Variants in FOXN3 observed in about 807,000 individuals in gnomAD.
FOXN3 encodes forkhead box protein N3.
A neutral mutation model predicts 38.4 loss-of-function variants in FOXN3; 7 were observed. That is an observed-to-expected ratio of 0.18 (90% CI 0.10 to 0.34). The LOEUF (loss-of-function observed/expected upper bound fraction) is 0.34, where lower values mean the gene tolerates loss of function less well. Ranked by LOEUF, FOXN3 falls within the 10% of genes least tolerant of loss-of-function variation. The pLI is 1.00. For synonymous variants in FOXN3, 230 were observed against 242.2 expected, an observed-to-expected ratio of 0.95 and a Z score of 0.47; for missense variants, 456 against 613.4, an observed-to-expected ratio of 0.74 and a Z score of 2.71.
chr14:89,365,620 CTCT>C (rs1358956554), intron 2 of FOXN3, among the ~76,000 whole-genome samples: 4 of 152,196 alleles, frequency 2.6e-5, no homozygotes, highest in African/African-American at 7.2e-5. Flanking sequence ...AAGGGTTTAA[CTCT>C]TCTTCTCCAT....
At chr14:89,196,274 A>G (rs1473965597) in intron 4 of FOXN3, among the ~76,000 whole-genome samples, 2 of 152,164 alleles carry the variant, frequency 1.3e-5, no homozygotes, top group Non-Finnish European at 2.9e-5. Context: ...GGGTGAAGAA[A>G]AATATTGAGC....
At chr14:89,459,094 C>T (rs1892786028) in intron 1 of FOXN3, among the ~76,000 whole-genome samples, 1 of 151,606 alleles carries the variant, frequency 6.6e-6, no homozygotes. Flanking sequence ...TGGGCATTCA[C>T]AGAGAAACGT....
chr14:89,479,290 T>C (rs1390019705), intron 1 of FOXN3, among the ~76,000 whole-genome samples: 1 of 152,170 alleles, frequency 6.6e-6, no homozygotes, highest in Non-Finnish European at 1.5e-5. Flanking sequence ...TTTTAAAGCC[T>C]GTTCAGCCTT....
At chr14:89,296,327 C>T (rs1384183348) in intron 3 of FOXN3, among the ~76,000 whole-genome samples, 2 of 152,182 alleles carry the variant, frequency 1.3e-5, no homozygotes, top group Non-Finnish European at 2.9e-5. Context: ...GTATAAAGTA[C>T]ATTATTTGCA....
At chr14:89,313,573 A>G (rs1347597040) in intron 3 of FOXN3, among the ~76,000 whole-genome samples, 1 of 129,306 alleles carries the variant, frequency 7.7e-6, no homozygotes, top group African/African-American at 3.0e-5. Context: ...AAAAAAAAAG[A>G]ATTGACAAGA....
chr14:89,228,891 A>G (rs1429734071), intron 4 of FOXN3, among the ~76,000 whole-genome samples: 1 of 152,150 alleles, frequency 6.6e-6, no homozygotes, highest in Non-Finnish European at 1.5e-5. Context: ...ACTTGGGAGG[A>G]AGTTACCTTA....
At chr14:89,258,725 G>T (rs377587233) in intron 4 of FOXN3, among the ~76,000 whole-genome samples, 41 of 152,228 alleles carry the variant, frequency 2.7e-4, no homozygotes, top group African/African-American at 9.4e-4. Flanking sequence ...TTCTTCACAT[G>T]ACAGTATACC....
chr14:89,385,878 CAA>C (rs1890778236), intron 2 of FOXN3, among the ~76,000 whole-genome samples: 1 of 152,208 alleles, frequency 6.6e-6, no homozygotes, highest in South Asian at 2.1e-4. Context: ...GAGAAAAAAG[CAA>C]AAGAGGAGAA....
upstream of FOXN3, chr14:89,417,621 C>G (rs926151573): frequency 6.7e-6 from 3 of 449,450 alleles, no homozygotes; most frequent in African/African-American, 6.0e-5. Context: ...CGCGGGAACG[C>G]TCCTACCCCA....
chr14:89,211,918 G>A (rs537373432), intron 4 of FOXN3, among the ~76,000 whole-genome samples: 2 of 152,274 alleles, frequency 1.3e-5, no homozygotes, highest in African/African-American at 2.4e-5. Flanking sequence ...TTTGAAGATA[G>A]GGCCCTTTGG....
At chr14:89,418,615 T>TG (rs1372109386), upstream of FOXN3, among the ~76,000 whole-genome samples, 12 of 152,138 alleles carry the variant, frequency 7.9e-5, no homozygotes, top group Non-Finnish European at 1.8e-4. Flanking sequence ...CTTTGATTAC[T>TG]GAGCACTTGA....
intron 1 of FOXN3, among the ~76,000 whole-genome samples, chr14:89,554,446 A>G (rs365217): frequency 0.89 from 134,781 of 152,244 alleles, 59,921 homozygotes; most frequent in African/African-American, 0.95. Context: ...TCTTTCTTTC[A>G]CTTTTATCTT....
intron 4 of FOXN3, among the ~76,000 whole-genome samples, chr14:89,255,030 G>A (rs941934766): frequency 6.6e-6 from 1 of 150,678 alleles, no homozygotes; most frequent in Admixed American, 6.6e-5. Context: ...GCGCATTTGG[G>A]GGCAGTGCAA....
At chr14:89,561,238 G>A (rs1895243303) in intron 1 of FOXN3, among the ~76,000 whole-genome samples, 1 of 152,224 alleles carries the variant, frequency 6.6e-6, no homozygotes, top group South Asian at 2.1e-4. Context: ...TAGAGACGGA[G>A]TTTCACTCTT....
At chr14:89,389,662 G>C (rs948006289) in intron 2 of FOXN3, among the ~76,000 whole-genome samples, 1 of 152,220 alleles carries the variant, frequency 6.6e-6, no homozygotes. Context: ...TGATCTGCTG[G>C]CTGGCAGGCC....
At chr14:89,556,733 G>C (rs1895135718) in intron 1 of FOXN3, among the ~76,000 whole-genome samples, 1 of 152,210 alleles carries the variant, frequency 6.6e-6, no homozygotes, top group African/African-American at 2.4e-5. Context: ...AATGCCTGTG[G>C]ATTCAACCTA....
At chr14:89,197,469 G>A (rs1888126523) in intron 4 of FOXN3, among the ~76,000 whole-genome samples, 1 of 151,264 alleles carries the variant, frequency 6.6e-6, no homozygotes, top group Non-Finnish European at 1.5e-5. Context: ...TGGTGCCACT[G>A]CACTCCAGCC....
intron 1 of FOXN3, among the ~76,000 whole-genome samples, chr14:89,549,945 G>C (rs1596314596): frequency 6.6e-6 from 1 of 152,186 alleles, no homozygotes; most frequent in African/African-American, 2.4e-5. Flanking sequence ...ATTTCTTTCT[G>C]GCAGGCCGGC....
At chr14:89,357,232 G>A (rs1230012236) in intron 2 of FOXN3, among the ~76,000 whole-genome samples, 1 of 152,098 alleles carries the variant, frequency 6.6e-6, no homozygotes, top group Non-Finnish European at 1.5e-5. Flanking sequence ...TTGAGCCCAG[G>A]AGTTGAGGTT....
Sources: allele counts gnomAD v4.1 joint callset (sites outside exome capture counted in the v4.1 genomes callset), GRCh38; gene constraint gnomAD v4.1.1; transcripts MANE v1.5; gene names NCBI Gene and HGNC (gene_info 2026-07-23, HGNC 2026-07-21).